Variants in TMEM62 observed in about 807,000 individuals in gnomAD.
TMEM62 encodes transmembrane protein 62.
Under a neutral mutation model 70.4 loss-of-function variants are expected in TMEM62, and 41 were observed. That is an observed-to-expected ratio of 0.58 (90% CI 0.45 to 0.76). The LOEUF is 0.76. Among genes scored for constraint, TMEM62 ranks in the 30% least tolerant of loss-of-function variants. The pLI is 0.00. For synonymous variants in TMEM62, 268 were observed against 291.0 expected (o/e 0.92, Z 0.80); for missense variants, 688 against 788.5 (o/e 0.87, Z 1.53).
At chr15:43,170,208 A>G (rs1326808963) in intron 11 of TMEM62, among the ~76,000 whole-genome samples, 1 of 152,216 alleles carries the variant, frequency 6.6e-6, no homozygotes, top group Non-Finnish European at 1.5e-5. Context: ...CTATTTTAAC[A>G]TTAATGATGG....
At chr15:43,149,332 G>A (rs1402973977) in intron 7 of TMEM62, among the ~76,000 whole-genome samples, 181 bp downstream of exon 7, 1 of 152,038 alleles carries the variant, frequency 6.6e-6, no homozygotes, top group African/African-American at 2.4e-5. Flanking sequence ...GTCATAGCAG[G>A]GATGTTTACT....
chr15:43,137,909 AT>A (rs2035454845), intron 3 of TMEM62, among the ~76,000 whole-genome samples: 1 of 152,070 alleles, frequency 6.6e-6, no homozygotes, highest in South Asian at 2.1e-4. Flanking sequence ...GCTCCGAGTC[AT>A]TCTCTGCCGG....
intron 10 of TMEM62, among the ~76,000 whole-genome samples, chr15:43,165,302 C>A (rs1353051324): frequency 6.6e-6 from 1 of 151,340 alleles, no homozygotes; most frequent in East Asian, 1.9e-4. Context: ...GGTCTTTAAG[C>A]TCACTAATTC....
intron 12 of TMEM62, chr15:43,180,948 T>C (rs183621254): frequency 2.6e-6 from 1 of 380,290 alleles, no homozygotes; most frequent in East Asian, 4.1e-5. Flanking sequence ...AAGACACATA[T>C]CTGTTCTAGG....
chr15:43,146,521 T>C lies in TMEM62; in HGVS notation c.505T>C (p.Ser169Pro). 3.1e-6 allele frequency: 5 copies of C among 1,613,478 alleles called. No individual in the cohort carries two copies. Among genetic ancestry groups the C allele is most frequent in the Non-Finnish European group, 4.2e-6 (5 of 1,179,696 alleles). The change falls in exon 5 of 14, where the codon TCT becomes CCT. Residue 169 changes from serine to proline, a missense_variant. Ser to Pro is a moderately conservative substitution (Grantham distance 74, BLOSUM62 -1). Transcript: ENST00000260403. ...ATATTCTGCTGTACGTAGAGATGGC[T>C]CTTTCCATTATGTCCACAGTACTCC... ...RKYSAVRRDG[S>P]FHYVHSTPFG... is the part of the protein sequence containing the mutation.
intron 10 of TMEM62, among the ~76,000 whole-genome samples, chr15:43,165,946 T>A (rs2039362700): frequency 1.3e-5 from 2 of 152,186 alleles, no homozygotes; most frequent in African/African-American, 4.8e-5. Flanking sequence ...GGTGAGGTCA[T>A]GTTTTCCTGG....
rs183539227 is a variant in TMEM62, at chr15:43,180,159, G to C, written c.1487-1022G>C. The stretch of plus-strand genomic sequence containing the variant: ...TTTTTTTGAGATGTAGTCTTGCTTT[G>C]TTGCCCAGGCTGGAGTACAGTGGTG... On this transcript the variant is annotated intron_variant, in intron 12 of 13. Coordinates refer to ENST00000260403, the MANE Select transcript of TMEM62 (RefSeq NM_024956.4). Among the ~76,000 whole-genome samples, 3 of 151,778 alleles carry C rather than the reference G, an allele frequency of 2.0e-5. No homozygotes were observed. The East Asian group carries it at 5.8e-4, about 29-fold the overall frequency.
At chr15:43,150,027 T>G (rs2037175250) in intron 7 of TMEM62, among the ~76,000 whole-genome samples, 1 of 152,264 alleles carries the variant, frequency 6.6e-6, no homozygotes, top group African/African-American at 2.4e-5. Context: ...CATCTTATTG[T>G]TTAACTATTA....
intron 10 of TMEM62, among the ~76,000 whole-genome samples, chr15:43,163,255 A>G (rs562304619): frequency 6.6e-6 from 1 of 152,096 alleles, no homozygotes; most frequent in African/African-American, 2.4e-5. Context: ...TTCACCTCCC[A>G]GAGATAGGTT....
chr15:43,170,916 C>T (rs1356023874), intron 11 of TMEM62, among the ~76,000 whole-genome samples: 3 of 152,122 alleles, frequency 2.0e-5, no homozygotes, highest in Non-Finnish European at 2.9e-5. Flanking sequence ...TCAGAAACAT[C>T]AAGAAAAGCC....
upstream of TMEM62, chr15:43,133,227 G>A (rs903347585): frequency 4.6e-5 from 7 of 152,250 alleles, no homozygotes; most frequent in African/African-American, 1.7e-4. Context: ...ATGGTAGAGG[G>A]AAGGGGAAGA....
rs997948713 is a variant in TMEM62 at position 43,175,720 on chromosome 15, G to A, written c.1382-2887G>A. ...GCTGGCAGCCAAGATGGCCGAACAG[G>A]AACAGCTCCGGTCTACACCTCCCAG... On this transcript the variant is annotated intron_variant, in intron 11 of 13. Transcript: ENST00000260403. 2.0e-5 allele frequency among the ~76,000 whole-genome samples: 3 copies of A among 152,174 alleles called. No homozygotes were observed. In the East Asian group the frequency reaches 5.8e-4, roughly 29 times the overall value.
At chr15:43,165,185 C>A (rs2039238495) in intron 10 of TMEM62, among the ~76,000 whole-genome samples, 1 of 151,892 alleles carries the variant, frequency 6.6e-6, no homozygotes, top group Admixed American at 6.6e-5. Context: ...TCTTTAAGGC[C>A]AATAACTCTT....
intron 3 of TMEM62, among the ~76,000 whole-genome samples, chr15:43,136,793 T>A (rs1409306087): frequency 6.6e-6 from 1 of 151,956 alleles, no homozygotes; most frequent in African/African-American, 2.4e-5. Flanking sequence ...GCTCTGTCAC[T>A]CAGCCTGGAG....
intron 10 of TMEM62, among the ~76,000 whole-genome samples, chr15:43,161,175 T>C (rs776958425): frequency 6.6e-6 from 1 of 152,144 alleles, no homozygotes; most frequent in Non-Finnish European, 1.5e-5. Context: ...AGGGGGACTA[T>C]TGTAAACATA....
intron 9 of TMEM62, among the ~76,000 whole-genome samples, chr15:43,155,301 A>C (rs1304723198): frequency 6.6e-6 from 1 of 152,130 alleles, no homozygotes; most frequent in African/African-American, 2.4e-5. Flanking sequence ...GTTTGAGACC[A>C]GCCAGGGCAA....
chr15:43,167,251 C>A (rs532258967), intron 10 of TMEM62, among the ~76,000 whole-genome samples: 2 of 151,408 alleles, frequency 1.3e-5, no homozygotes, highest in Non-Finnish European at 3.0e-5. Flanking sequence ...GGCGGCTGGC[C>A]GAGCGGGGGG....
chr15:43,172,118 C>A (rs1270359491), intron 11 of TMEM62, among the ~76,000 whole-genome samples: 6 of 152,010 alleles, frequency 3.9e-5, no homozygotes, highest in African/African-American at 9.7e-5. Context: ...TCTTTCTATG[C>A]AATTTAAGAA....
At position 43,139,417 on chromosome 15, in the gene TMEM62, A is replaced by C. The variant is rs2035696586; in HGVS notation, c.476+798A>C. Among the ~76,000 whole-genome samples the C allele has an allele frequency of 3.3e-5, 5 of 152,198 alleles. No individual in the cohort carries two copies. The South Asian group carries it at 1.0e-3, about 32-fold the overall frequency. On this transcript the variant is annotated intron_variant, in intron 4 of 13. Coordinates refer to ENST00000260403, the MANE Select transcript of TMEM62 (RefSeq NM_024956.4). ...AATGGCCTCTAAGTGTTCAAGTGAA[A>C]GGAAGGGCCCAACATCTCTCACTTT...
Sources: gnomAD v4.1 joint callset for allele counts (sites outside exome capture counted in the v4.1 genomes callset) on GRCh38, gnomAD v4.1.1 for gene constraint, MANE v1.5 for transcripts, NCBI Gene and HGNC (gene_info 2026-07-23, HGNC 2026-07-21) for gene names.